Variants in ROBO2 observed in about 807,000 individuals in gnomAD.
ROBO2 encodes the protein roundabout homolog 2.
Under a neutral mutation model 160.8 loss-of-function variants are expected in ROBO2, and 53 were observed. The ratio of observed to expected loss-of-function variants is 0.33; its 90% CI spans 0.26 to 0.41. The LOEUF (loss-of-function observed/expected upper bound fraction) is 0.41. Ranked by LOEUF, ROBO2 falls within the 10% of genes least tolerant of loss-of-function variation. The probability of loss-of-function intolerance (pLI) is 1.00; values close to 1 mark genes in which losing one functional copy is unlikely to be tolerated. For synonymous variants in ROBO2, 664 were observed against 611.7 expected, an observed-to-expected ratio of 1.09 and a Z score of -1.26; for missense variants, 1,577 against 1,722.4, an observed-to-expected ratio of 0.92 and a Z score of 1.49.
chr3:75,958,720 G>T (rs1274857777), intron 2 of ROBO2, among the ~76,000 whole-genome samples: 2 of 151,552 alleles, frequency 1.3e-5, no homozygotes, highest in African/African-American at 2.4e-5. Flanking sequence ...AAGCAGAAAG[G>T]CAATGATATA....
At chr3:76,691,612 T>G (rs1220327211) in intron 2 of ROBO2, among the ~76,000 whole-genome samples, 2 of 152,114 alleles carry the variant, frequency 1.3e-5, no homozygotes, top group Non-Finnish European at 2.9e-5. Flanking sequence ...ATAATTCAGA[T>G]GTGAAGTGGT....
At chr3:76,675,552 C>A (rs2092386586) in intron 2 of ROBO2, among the ~76,000 whole-genome samples, 1 of 152,134 alleles carries the variant, frequency 6.6e-6, no homozygotes, top group Admixed American at 6.6e-5. Context: ...TGCAAATTAA[C>A]CCTATGTTAG....
In ROBO2 at chr3:76,830,688, A is replaced by C. The variant is rs11924114; in HGVS notation, c.110-267326A>C. The stretch of plus-strand genomic sequence containing the variant: ...ATTTCAAAAATACTAATCAAAAGTC[A>C]CCTAGGGGCTGGGCACGGTGGCTCA... On this transcript the variant is annotated intron_variant, in intron 2 of 26. Coordinates refer to the ROBO2 transcript ENST00000487694. Among the ~76,000 whole-genome samples, 1,329 of 148,382 alleles carry C rather than the reference A, an allele frequency of 9.0e-3. 25 individuals are homozygous for C. The highest frequency in any genetic ancestry group is 0.03 in the African/African-American group (1,233 of 40,498).
chr3:77,352,310 A>T (rs971361832), intron 2 of ROBO2, among the ~76,000 whole-genome samples: 1 of 151,954 alleles, frequency 6.6e-6, no homozygotes, highest in Non-Finnish European at 1.5e-5. Context: ...TGTTGTCAAA[A>T]CTCTTGACTC....
chr3:77,338,830 T>A (rs960698151), intron 2 of ROBO2, among the ~76,000 whole-genome samples: 1 of 152,148 alleles, frequency 6.6e-6, no homozygotes, highest in Non-Finnish European at 1.5e-5. Flanking sequence ...TTGAGTAAAT[T>A]ATTGAAATAA....
intron 2 of ROBO2, among the ~76,000 whole-genome samples, chr3:77,390,534 A>G (rs889379084): frequency 5.3e-5 from 8 of 152,044 alleles, no homozygotes; most frequent in East Asian, 1.9e-4. Flanking sequence ...GCCACCATAT[A>G]AGGTATCCCT....
chr3:76,025,087 G>GA (rs1049602375), intron 2 of ROBO2, among the ~76,000 whole-genome samples: 1 of 150,954 alleles, frequency 6.6e-6, no homozygotes, highest in Admixed American at 6.6e-5. Flanking sequence ...TCGATCTGTA[G>GA]AAAAAAATAA....
At chr3:76,462,852 C>G (rs1444043334) in intron 2 of ROBO2, among the ~76,000 whole-genome samples, 1 of 152,072 alleles carries the variant, frequency 6.6e-6, no homozygotes, top group African/African-American at 2.4e-5. Context: ...CCTTTTTCTT[C>G]TTTGAATCAG....
intron 2 of ROBO2, among the ~76,000 whole-genome samples, chr3:76,136,726 GAAC>G (rs1212441667): frequency 4.0e-5 from 6 of 151,820 alleles, no homozygotes; most frequent in Non-Finnish European, 8.8e-5. Flanking sequence ...AGAAAAAAAA[GAAC>G]AAAGGGAAAA....
intron 2 of ROBO2, among the ~76,000 whole-genome samples, chr3:77,181,162 A>C (rs964747397): frequency 2.6e-5 from 4 of 152,068 alleles, no homozygotes; most frequent in East Asian, 1.9e-4. Context: ...AACACAGAAA[A>C]TGCCCAAGGT....
At chr3:76,299,929 G>T (rs1024928907) in intron 2 of ROBO2, among the ~76,000 whole-genome samples, 5 of 152,226 alleles carry the variant, frequency 3.3e-5, no homozygotes, top group African/African-American at 1.2e-4. Context: ...AAACATAACT[G>T]AGAGGAGCAA....
At chr3:76,966,499 C>T (rs1220777152) in intron 2 of ROBO2, among the ~76,000 whole-genome samples, 1 of 152,148 alleles carries the variant, frequency 6.6e-6, no homozygotes, top group African/African-American at 2.4e-5. Flanking sequence ...ATGGCTCTCC[C>T]TCTGTGTAAC....
intron 2 of ROBO2, among the ~76,000 whole-genome samples, chr3:77,336,533 T>C (rs768002972): frequency 6.6e-6 from 1 of 152,034 alleles, no homozygotes; most frequent in Non-Finnish European, 1.5e-5. Context: ...TTTCTTTTGC[T>C]TATAAATGAA....
intron 2 of ROBO2, among the ~76,000 whole-genome samples, chr3:76,879,884 A>C (rs2073161737): frequency 6.6e-6 from 1 of 152,166 alleles, no homozygotes; most frequent in Non-Finnish European, 1.5e-5. Flanking sequence ...TGGGAGTGTA[A>C]TATGATGTCT....
rs373084332 is a variant in ROBO2 at position 76,643,310 on chromosome 3, T to C, written c.110-454704T>C. On this transcript the variant is annotated intron_variant, in intron 2 of 26. Transcript: ENST00000487694. ...CTTAATAAATTAAAAACTAGATAAA[T>C]GTGAATTATGTGAGTATACATTATG... is the stretch of plus-strand genomic sequence containing the variant. Among the ~76,000 whole-genome samples the C allele has an allele frequency of 6.9e-4, 105 of 152,222 alleles. 1 individual carries two copies. In the South Asian group the frequency reaches 8.3e-3, roughly 12 times the overall value.
Position 77,558,166 on chromosome 3 carries a change from T to C in ROBO2, c.1437+17T>C, listed in dbSNP as rs370711573. 2.5e-6 allele frequency: 4 copies of C among 1,601,418 alleles called. No individual in the cohort carries two copies. The highest frequency in any genetic ancestry group is 1.3e-5 in the African/African-American group (1 of 74,622). ...AATTTACGGGTAAGTAATATTGGAC[T>C]TGTACATGAATTATCATCTACACAT... On this transcript the variant is annotated intron_variant, in intron 9 of 25. Transcript: ENST00000461745.
At chr3:77,524,602 A>G (rs2090951018) in intron 6 of ROBO2, among the ~76,000 whole-genome samples, 1 of 151,356 alleles carries the variant, frequency 6.6e-6, no homozygotes, top group African/African-American at 2.4e-5. Flanking sequence ...TTTCTTTTAT[A>G]CTTGAATGCT....
chr3:76,249,167 C>T (rs1022589753), intron 2 of ROBO2, among the ~76,000 whole-genome samples: 1 of 152,028 alleles, frequency 6.6e-6, no homozygotes, highest in African/African-American at 2.4e-5. Context: ...TATTAAGAGA[C>T]AACTTGTTAA....
intron 2 of ROBO2, among the ~76,000 whole-genome samples, chr3:76,845,157 C>G (rs895572927): frequency 6.6e-6 from 1 of 151,846 alleles, no homozygotes; most frequent in Non-Finnish European, 1.5e-5. Context: ...AAAAGGATAA[C>G]TTTTATAAAG....
Sources: allele counts gnomAD v4.1 joint callset (sites outside exome capture counted in the v4.1 genomes callset), GRCh38; gene constraint gnomAD v4.1.1; transcripts MANE v1.5; gene names NCBI Gene and HGNC (gene_info 2026-07-23, HGNC 2026-07-21).